Variants in KATNAL2 observed in about 807,000 individuals in gnomAD.
KATNAL2 encodes the protein katanin catalytic subunit A1 like 2, also known as katanin p60 ATPase-containing subunit A-like 2.
Under a neutral mutation model 76.3 loss-of-function variants are expected in KATNAL2, and 52 were observed. The observed-to-expected ratio is 0.68, with a 90% confidence interval of 0.55 to 0.86. The LOEUF (loss-of-function observed/expected upper bound fraction) is 0.86, where lower values mean the gene tolerates loss of function less well. KATNAL2 is among the 40% of genes least tolerant of loss of function. The pLI, the probability that KATNAL2 is intolerant of heterozygous loss-of-function variation, is 0.00. For missense variants in KATNAL2, 660 were observed against 668.9 expected, an observed-to-expected ratio of 0.99 and a Z score of 0.15; for synonymous variants, 243 against 244.2, an observed-to-expected ratio of 1.00 and a Z score of 0.05.
intron 3 of KATNAL2, among the ~76,000 whole-genome samples, chr18:47,036,536 T>C (rs1225742315): frequency 6.6e-6 from 1 of 152,234 alleles, no homozygotes; most frequent in Non-Finnish European, 1.5e-5. Flanking sequence ...AGTGTAGCCA[T>C]GTTTTATCCC....
chr18:47,070,122 G>A (rs1184896499), intron 13 of KATNAL2, among the ~76,000 whole-genome samples: 1 of 132,912 alleles, frequency 7.5e-6, no homozygotes, highest in African/African-American at 2.7e-5. Flanking sequence ...TTTAGACGAA[G>A]TCTCGCTCTT....
At chr18:47,058,967 T>G (rs2061550350) in intron 7 of KATNAL2, among the ~76,000 whole-genome samples, 1 of 152,028 alleles carries the variant, frequency 6.6e-6, no homozygotes, top group African/African-American at 2.4e-5. Context: ...CCTTCTTAGT[T>G]AGGACTAAAC....
chr18:47,097,118 C>T (rs7235610), intron 15 of KATNAL2, among the ~76,000 whole-genome samples: 6 of 70,906 alleles, frequency 8.5e-5, no homozygotes, highest in East Asian at 3.5e-4. Flanking sequence ...GACCCTGGCT[C>T]AAAAAAAAAA....
chr18:46,953,194 C>T lies in KATNAL2; in HGVS notation c.51+6271C>T, dbSNP rs192801922. Reference sequence around the variant, plus strand: ...CAGGCGTGAGCCACCGCTCCCGGCACCTTCCTCCTTTTCTTTTTCTTTCTT... The same window carrying T: ...CAGGCGTGAGCCACCGCTCCCGGCATCTTCCTCCTTTTCTTTTTCTTTCTT... On this transcript the variant is annotated intron_variant, in intron 3 of 17. Coordinates refer to ENST00000683218, the MANE Select transcript of KATNAL2 (RefSeq NM_001387690.1). Among the ~76,000 whole-genome samples the T allele has an allele frequency of 1.8e-4, 28 of 152,276 alleles. No individual in the cohort carries two copies. The East Asian group carries it at 4.3e-3, about 23-fold the overall frequency.
At position 47,100,309 on chromosome 18, in the gene KATNAL2, T is replaced by A; in HGVS notation, c.1430T>A (p.Met477Lys). The change falls in exon 17 of 18, where the codon ATG becomes AAG. Residue 477 changes from methionine (M) to lysine (K), a missense_variant. Physicochemically the swap from Met to Lys is moderately conservative, Grantham distance 95. Coordinates refer to ENST00000683218, the MANE Select transcript of KATNAL2 (RefSeq NM_001387690.1). ...AAGCTCGTCTGCAGGGAAGCAGCCA[T>A]GCGGCCCGTGAGGAAGATCTTTGAT... ...DIKLVCREAA[M>K]RPVRKIFDAL... is the part of the protein sequence containing the mutation. 1.2e-6 allele frequency: 2 copies of A among 1,614,154 alleles called. No individual in the cohort carries two copies. Among genetic ancestry groups the A allele is most frequent in the Admixed American group, 3.3e-5 (2 of 60,020 alleles).
intron 3 of KATNAL2, chr18:47,034,223 C>T (rs1047894639): frequency 1.9e-6 from 3 of 1,613,956 alleles, no homozygotes; most frequent in Non-Finnish European, 2.5e-6. Flanking sequence ...GGCTTCCCCT[C>T]TTGAGTCTCT....
intron 3 of KATNAL2, among the ~76,000 whole-genome samples, chr18:47,031,255 T>G (rs200596154): frequency 1.3e-5 from 2 of 151,638 alleles, no homozygotes; most frequent in South Asian, 2.1e-4. Context: ...GCAGCTGATA[T>G]TGGTGCCACG....
At chr18:46,951,580 C>T (rs960235695) in intron 3 of KATNAL2, among the ~76,000 whole-genome samples, 12 of 151,826 alleles carry the variant, frequency 7.9e-5, no homozygotes, top group Admixed American at 1.3e-4. Flanking sequence ...CATGTCTTCC[C>T]CTTCTTGCCC....
intron 3 of KATNAL2, among the ~76,000 whole-genome samples, chr18:47,045,307 T>A (rs192450164): frequency 6.8e-6 from 1 of 146,432 alleles, no homozygotes; most frequent in East Asian, 2.0e-4. Flanking sequence ...TTGGTTTGTT[T>A]GTTTTTCTTT....
intron 1 of KATNAL2, among the ~76,000 whole-genome samples, chr18:46,927,769 A>C (rs1042712866): frequency 6.6e-6 from 1 of 152,096 alleles, no homozygotes; most frequent in African/African-American, 2.4e-5. Context: ...TATTTCTTGG[A>C]GGCTTTGTTC....
chr18:46,968,341 T>C (rs1218003705), intron 3 of KATNAL2, among the ~76,000 whole-genome samples: 4,295 of 109,398 alleles, frequency 0.039, 238 homozygotes, highest in African/African-American at 0.14. Flanking sequence ...ATGCACTGGA[T>C]GATTTCAAAA....
chr18:47,101,300 TA>T lies in KATNAL2; in HGVS notation c.*297del, dbSNP rs902098484. ...TAAAATTTTAATGAACAATTTTCTGTAATGTTACTCATTTGTAAACTTTTTA... is the reference window on the plus strand; with the variant it reads ...TAAAATTTTAATGAACAATTTTCTGTATGTTACTCATTTGTAAACTTTTTA... On this transcript the variant is annotated 3_prime_UTR_variant, in exon 18 of 18. Transcript: ENST00000683218. 1.8e-5 allele frequency: 5 copies of T among 281,792 alleles called. No individual in the cohort carries two copies. The highest frequency in any genetic ancestry group is 5.6e-5 in the South Asian group (1 of 17,878). The allele number at this position is 281,792 out of a possible 1,614,324, so 17.5% of individuals were successfully genotyped here. A position where few individuals can be genotyped will look rare whatever the true frequency, so the allele number is the denominator to read the frequency against.
intron 3 of KATNAL2, among the ~76,000 whole-genome samples, chr18:46,951,202 T>C (rs2059543834): frequency 6.6e-6 from 1 of 152,194 alleles, no homozygotes; most frequent in Non-Finnish European, 1.5e-5. Context: ...ATTGTATAAA[T>C]ACTATTTAGA....
intron 3 of KATNAL2, chr18:47,033,616 A>G (rs201466088): frequency 3.1e-6 from 5 of 1,613,814 alleles, no homozygotes; most frequent in Non-Finnish European, 4.2e-6. Context: ...CCAGTAGGGG[A>G]CCTCTCCCAC....
rs139648377 is a variant in KATNAL2 at position 46,936,819 on chromosome 18, G to C, written c.-509-9238G>C. 3.8e-3 allele frequency among the ~76,000 whole-genome samples: 578 copies of C among 152,218 alleles called. 2 individuals are homozygous for C. The highest frequency in any genetic ancestry group is 0.013 in the African/African-American group (554 of 41,528). ...ATATTTAAAAAATTAGCCAAGTGTG[G>C]TGGCGGGTGCCTGTAATCCCAGCTA... On this transcript the variant is annotated intron_variant, in intron 1 of 17. Coordinates refer to ENST00000683218, the MANE Select transcript of KATNAL2 (RefSeq NM_001387690.1).
intron 1 of KATNAL2, among the ~76,000 whole-genome samples, chr18:46,929,874 G>C (rs896063893): frequency 6.6e-6 from 1 of 152,078 alleles, no homozygotes; most frequent in Non-Finnish European, 1.5e-5. Context: ...TCCCAGGTTT[G>C]AGTGATTCTC....
At position 47,043,226 on chromosome 18, in the gene KATNAL2, C is replaced by CAAAAAAAAAAAAAAA. The variant is rs1195140135; in HGVS notation, c.52-3226_52-3212dup. On this transcript the variant is annotated intron_variant, in intron 3 of 17. Transcript: ENST00000683218. ...CCGGCGACAGAGCGAGACTCCGTTT[C>CAAAAAAAAAAAAAAA]AAAAAAAAAAAAAAAAAAAGAGATC... is the stretch of plus-strand genomic sequence containing the variant. Among the ~76,000 whole-genome samples the CAAAAAAAAAAAAAAA allele has an allele frequency of 7.2e-5, 3 of 41,686 alleles. 1 individual carries two copies. Among genetic ancestry groups the CAAAAAAAAAAAAAAA allele is most frequent in the African/African-American group, 2.1e-4 (2 of 9,356 alleles). The allele number at this position is 41,686 out of a possible 152,430, so 27.3% of individuals were successfully genotyped here.
intron 15 of KATNAL2, among the ~76,000 whole-genome samples, chr18:47,094,301 A>C (rs2063134715): frequency 6.6e-6 from 1 of 152,176 alleles, no homozygotes; most frequent in South Asian, 2.1e-4. Context: ...GTTCTTGATA[A>C]ATTACCCAGT....
At chr18:47,049,011 A>G (rs950113897) in intron 4 of KATNAL2, among the ~76,000 whole-genome samples, 1 of 151,548 alleles carries the variant, frequency 6.6e-6, no homozygotes, top group East Asian at 1.9e-4. Flanking sequence ...ATTGTTTTGT[A>G]TTTTTAGTAG....
Sources: gnomAD v4.1 joint callset for allele counts (sites outside exome capture counted in the v4.1 genomes callset) on GRCh38, gnomAD v4.1.1 for gene constraint, MANE v1.5 for transcripts, NCBI Gene and HGNC (gene_info 2026-07-23, HGNC 2026-07-21) for gene names.